UGT1A7: variants seen among roughly 807,000 people sequenced by gnomAD.
The protein encoded by UGT1A7 is UDP-glucuronosyltransferase 1A7.
In UGT1A7, 33 loss-of-function variants were observed where a neutral mutation model predicts 45.6. The observed-to-expected ratio is 0.72, with a 90% CI of 0.55 to 0.97. The LOEUF (loss-of-function observed/expected upper bound fraction) is 0.97. Ranked by LOEUF, UGT1A7 falls within the 50% of genes least tolerant of loss-of-function variation. The pLI is 0.00. For missense variants in UGT1A7, 684 were observed against 666.2 expected (o/e 1.03, Z -0.29); for synonymous variants, 274 against 250.6 (o/e 1.09, Z -0.88).
intron 1 of UGT1A7, among the ~76,000 whole-genome samples, chr2:233,726,159 C>T (rs986768021): frequency 9.2e-5 from 14 of 152,064 alleles, no homozygotes; most frequent in African/African-American, 3.4e-4. Flanking sequence ...GAGTGAGGCC[C>T]CATTTCAAAA....
chr2:233,759,159 A>G (rs1697070842), intron 1 of UGT1A7, among the ~76,000 whole-genome samples: 1 of 152,222 alleles, frequency 6.6e-6, no homozygotes, highest in Admixed American at 6.5e-5. Context: ...CACAGAACAC[A>G]AGGCAGGCAG....
chr2:233,714,477 G>A (rs45505392), intron 1 of UGT1A7, among the ~76,000 whole-genome samples: 3,267 of 152,154 alleles, frequency 0.021, 113 homozygotes, highest in African/African-American at 0.075. Context: ...ATAGGAGAAT[G>A]TTTCTTGTGA....
At chr2:233,692,860 C>A in intron 1 of UGT1A7, 2 of 1,471,358 alleles carry the variant, frequency 1.4e-6, no homozygotes, top group South Asian at 2.9e-5. Context: ...TGGGTTCTTA[C>A]ATATCAAAGG....
At chr2:233,761,183 A>C in intron 1 of UGT1A7, 1 of 1,614,192 alleles carries the variant, frequency 6.2e-7, no homozygotes, top group East Asian at 2.2e-5. Flanking sequence ...TTACATGCGT[A>C]TATTCTTTCA....
At chr2:233,717,878 G>T (rs2076613301) in intron 1 of UGT1A7, 1 of 454,744 alleles carries the variant, frequency 2.2e-6, no homozygotes, top group African/African-American at 2.0e-5. Context: ...TTGGAGAAAA[G>T]CCTGGCCATA....
chr2:233,725,053 G>A (rs551262473), intron 1 of UGT1A7, among the ~76,000 whole-genome samples: 1,532 of 147,698 alleles, frequency 0.01, 141 homozygotes, highest in African/African-American at 0.035. Flanking sequence ...CAGGCGTGGC[G>A]GCGCGCGCCT....
At position 233,682,671 on chromosome 2, in the gene UGT1A7, AC is replaced by A; in HGVS notation, c.735del (p.Tyr245Ter). 1 of 1,613,852 alleles carries A rather than the reference AC, an allele frequency of 6.2e-7. No homozygotes were observed. Among genetic ancestry groups the A allele is most frequent in the Non-Finnish European group, 8.5e-7 (1 of 1,179,800 alleles). On this transcript the variant is annotated frameshift_variant, in exon 1 of 5. Transcript: ENST00000373426. LOFTEE classifies it high-confidence loss of function. ...ACCCCTGTCACGGCATATGATCTCT[AC>A]AGCCACACATCAATTTGGTTGTTGC... ...LQTPVTAYDL[Y>X]SHTSIWLLRT...
At chr2:233,729,765 C>T in intron 1 of UGT1A7, 2 of 1,613,978 alleles carry the variant, frequency 1.2e-6, no homozygotes, top group Admixed American at 1.7e-5. Flanking sequence ...GGGTCAAGAA[C>T]ATGCTCTACC....
At chr2:233,742,996 A>G in intron 1 of UGT1A7, 1 of 237,696 alleles carries the variant, frequency 4.2e-6, no homozygotes, top group South Asian at 5.8e-5. Context: ...AGCAAATTGC[A>G]TACAGATATT....
chr2:233,764,530 T>C (rs572226432), intron 1 of UGT1A7, among the ~76,000 whole-genome samples: 7 of 152,338 alleles, frequency 4.6e-5, no homozygotes, highest in African/African-American at 1.7e-4. Flanking sequence ...ATCCTGCTGA[T>C]TGCTGAGTGG....
intron 1 of UGT1A7, chr2:233,754,789 A>G (rs1444380130): frequency 8.4e-7 from 1 of 1,196,426 alleles, no homozygotes; most frequent in African/African-American, 1.6e-5. Context: ...AAGGAACGAA[A>G]TCCTGTATCA....
chr2:233,732,318 G>A (rs1386419482), intron 1 of UGT1A7, among the ~76,000 whole-genome samples: 3 of 152,170 alleles, frequency 2.0e-5, no homozygotes, highest in African/African-American at 7.2e-5. Flanking sequence ...GTCTATTTTG[G>A]CTTTTGTTGC....
chr2:233,710,257 T>G (rs1404834948), intron 1 of UGT1A7, among the ~76,000 whole-genome samples: 1 of 152,232 alleles, frequency 6.6e-6, no homozygotes, highest in Admixed American at 6.5e-5. Context: ...TTTCTGAGAT[T>G]TCATTTTTCT....
chr2:233,719,204 T>G, intron 1 of UGT1A7: 1 of 1,614,240 alleles, frequency 6.2e-7, no homozygotes, highest in Non-Finnish European at 8.5e-7. Flanking sequence ...ATAGGTGTTG[T>G]GTGGAGCTAC....
In UGT1A7 at chr2:233,725,203, CAGA is replaced by C. The variant is rs1559370309; in HGVS notation, c.856-41830_856-41828del. On this transcript the variant is annotated intron_variant, in intron 1 of 4. Transcript: ENST00000373426. The stretch of plus-strand genomic sequence containing the variant: ...GGAGAGGCAGAGGCAGAGGCAGAGG[CAGA>C]GGCAGAGGCAGAGGAGGCAGAGGCA... Among the ~76,000 whole-genome samples, 4 of 83,028 alleles carry C rather than the reference CAGA, an allele frequency of 4.8e-5. 1 individual carries two copies. The highest frequency in any genetic ancestry group is 4.2e-5 in the Non-Finnish European group (2 of 47,892). 54.5% of individuals were successfully genotyped at this position (83,028 alleles called of 152,430 possible). A position where few individuals can be genotyped will look rare whatever the true frequency, so the allele number is the denominator to read the frequency against.
chr2:233,703,805 ATC>A (rs199842115), intron 1 of UGT1A7, among the ~76,000 whole-genome samples: 4 of 137,188 alleles, frequency 2.9e-5, no homozygotes, highest in East Asian at 1.9e-4. Context: ...CAGTCTGATA[ATC>A]TCTGTCTTTT....
At position 233,769,446 on chromosome 2, in the gene UGT1A7, C is replaced by T. The variant is rs1239046634; in HGVS notation, c.1295+1007C>T. 4 of 1,588,334 alleles carry T rather than the reference C, an allele frequency of 2.5e-6. No homozygotes were observed. The highest frequency in any genetic ancestry group is 3.4e-6 in the Non-Finnish European group (4 of 1,161,110). On this transcript the variant is annotated intron_variant, in intron 4 of 4. Coordinates refer to ENST00000373426, the MANE Select transcript of UGT1A7 (RefSeq NM_019077.3). This position sits in a 1 kb window ranked among gnomAD's most constrained non-coding sequence, Gnocchi z 4.4. ...GTGGCTGTGCTCATGTGTGGGTGCA[C>T]ACGTGTGCATTCATATGCGTGTGTG...
chr2:233,736,234 T>G (rs1035352456), intron 1 of UGT1A7, among the ~76,000 whole-genome samples: 1 of 152,188 alleles, frequency 6.6e-6, no homozygotes, highest in Admixed American at 6.5e-5. Context: ...TCTCTAACCT[T>G]GTCTTCTCAC....
chr2:233,734,667 C>G (rs1395342717), intron 1 of UGT1A7, among the ~76,000 whole-genome samples: 1 of 152,100 alleles, frequency 6.6e-6, no homozygotes. Flanking sequence ...ATAAATTTCC[C>G]TCTACACACT....
Sources: gnomAD v4.1 joint callset for allele counts (sites outside exome capture counted in the v4.1 genomes callset) on GRCh38, gnomAD v4.1.1 for gene constraint, Gnocchi (gnomAD v3.1) non-coding constraint, MANE v1.5 for transcripts, NCBI Gene and HGNC (gene_info 2026-07-23, HGNC 2026-07-21) for gene names.